EEFSEC: variants seen among roughly 807,000 people sequenced by gnomAD.
EEFSEC encodes selenocysteine-specific elongation factor.
In EEFSEC, 43 loss-of-function variants were observed where a neutral mutation model predicts 42.1. The ratio of observed to expected loss-of-function variants is 1.02; its 90% confidence interval spans 0.80 to 1.32. EEFSEC has a LOEUF of 1.32. EEFSEC is among the 40% of genes most tolerant of loss of function. The pLI, the probability that EEFSEC is intolerant of heterozygous loss-of-function variation, is 0.00. For missense variants in EEFSEC, 745 were observed against 803.6 expected, an observed-to-expected ratio of 0.93 and a Z score of 0.88; for synonymous variants, 354 against 339.1, an observed-to-expected ratio of 1.04 and a Z score of -0.48.
At chr3:128,419,665 G>T in the EEFSEC span, among the ~76,000 whole-genome samples, 3 of 152,210 alleles carry the variant, frequency 2.0e-5, no homozygotes, top group African/African-American at 7.2e-5. Context: ...GCGAGGGAAA[G>T]GTTCTGTGCA....
chr3:128,272,473 C>A (rs945460197), intron 4 of EEFSEC, among the ~76,000 whole-genome samples: 1 of 152,160 alleles, frequency 6.6e-6, no homozygotes, highest in East Asian at 1.9e-4. Context: ...TACTCCCAGG[C>A]TGGAGGTTTG....
chr3:128,341,240 A>C lies in EEFSEC; in HGVS notation c.794A>C (p.Lys265Thr). The C allele has an allele frequency of 1.9e-6, 3 of 1,604,948 alleles. No individual in the cohort carries two copies. The highest frequency in any genetic ancestry group is 2.6e-6 in the Non-Finnish European group (3 of 1,175,152). Residue 265 changes from lysine to threonine, a missense_variant, in exon 5 of 7, where the codon AAG (lysine) becomes ACG (threonine). Lys to Thr is a moderately conservative substitution (Grantham distance 78). Coordinates refer to ENST00000254730, the MANE Select transcript of EEFSEC (RefSeq NM_021937.5). The stretch of plus-strand genomic sequence containing the variant: ...TTGCTTACTCCCCATCAGGTGGTGA[A>C]GAAGGTGAAGTCCATGCAGATGTTC... The part of the protein sequence containing the change: ...SVEIPALKVV[K>T]KVKSMQMFHM...
rs377329173 is a variant in EEFSEC, at chr3:128,280,884, C to T, written c.786+16103C>T. On this transcript the variant is annotated intron_variant, in intron 4 of 6. Transcript: ENST00000254730. The stretch of plus-strand genomic sequence containing the variant: ...CTCACTGTTTTTTTTCCCCTCCACA[C>T]TCCCCTCCTCGGAGATGCAGCCTGA... Among the ~76,000 whole-genome samples the T allele has an allele frequency of 2.0e-5, 3 of 152,252 alleles. No homozygotes were observed. In the East Asian group the frequency reaches 5.8e-4, roughly 29 times the overall value.
intron 4 of EEFSEC, among the ~76,000 whole-genome samples, chr3:128,324,369 T>C (rs952769893): frequency 7.9e-5 from 12 of 151,994 alleles, no homozygotes; most frequent in African/African-American, 2.9e-4. Context: ...TGCCATGGAG[T>C]GGGGGGCTTC....
At chr3:128,357,254 G>T (rs1375946098) in intron 5 of EEFSEC, among the ~76,000 whole-genome samples, 1 of 152,280 alleles carries the variant, frequency 6.6e-6, no homozygotes, top group Non-Finnish European at 1.5e-5. Flanking sequence ...AAGGGAGGGA[G>T]TGACACTTCC....
chr3:128,358,395 C>G, intron 6 of EEFSEC, 22 bp downstream of exon 6: 3 of 1,613,212 alleles, frequency 1.9e-6, no homozygotes, highest in Non-Finnish European at 2.5e-6. Context: ...CACTTCCTCC[C>G]GGTTTAGGGA....
intron 4 of EEFSEC, among the ~76,000 whole-genome samples, chr3:128,291,558 GC>G (rs1321445657): frequency 6.6e-6 from 1 of 152,146 alleles, no homozygotes; most frequent in Non-Finnish European, 1.5e-5. Flanking sequence ...ATAAATTTCT[GC>G]TCATTATAAA....
At chr3:128,315,696 A>G (rs2066937597) in intron 4 of EEFSEC, among the ~76,000 whole-genome samples, 1 of 152,170 alleles carries the variant, frequency 6.6e-6, no homozygotes, top group South Asian at 2.1e-4. Flanking sequence ...ATGGAGTGTA[A>G]AGCTCCATTT....
At position 128,340,738 on chromosome 3, in the gene EEFSEC, A is replaced by G. The variant is rs1336601169; in HGVS notation, c.787-495A>G. On this transcript the variant is annotated intron_variant, in intron 4 of 6. Coordinates refer to ENST00000254730, the MANE Select transcript of EEFSEC (RefSeq NM_021937.5). The stretch of plus-strand genomic sequence containing the variant: ...AAGTTCTGCCACTGGGAGTTGGGAC[A>G]GGCTTTCCAGAGCAGTGGTGTTTGT... Among the ~76,000 whole-genome samples, 8 of 152,322 alleles carry G rather than the reference A, an allele frequency of 5.3e-5. No individual in the cohort carries two copies. In the East Asian group the frequency reaches 1.5e-3, roughly 29 times the overall value.
chr3:128,255,301 G>A (rs894220410), intron 2 of EEFSEC, among the ~76,000 whole-genome samples: 3 of 152,180 alleles, frequency 2.0e-5, no homozygotes, highest in Non-Finnish European at 2.9e-5. Flanking sequence ...GGAAATAAAG[G>A]TATGGGGTTG....
intron 1 of EEFSEC, among the ~76,000 whole-genome samples, chr3:128,236,559 A>G (rs1218255410): frequency 7.0e-6 from 1 of 141,858 alleles, no homozygotes; most frequent in Non-Finnish European, 1.6e-5. Context: ...ACAGAATTTC[A>G]GTGTACAGTG....
At chr3:128,350,536 C>G (rs997163220) in intron 5 of EEFSEC, among the ~76,000 whole-genome samples, 3 of 152,198 alleles carry the variant, frequency 2.0e-5, no homozygotes, top group African/African-American at 7.2e-5. Context: ...AAATGGCTGC[C>G]CTGGTATTCT....
intron 1 of EEFSEC, among the ~76,000 whole-genome samples, chr3:128,244,768 A>C (rs1326357071): frequency 6.7e-6 from 1 of 149,258 alleles, no homozygotes; most frequent in African/African-American, 2.4e-5. Context: ...TGACACCCAC[A>C]CACGTGCACA....
intron 1 of EEFSEC, among the ~76,000 whole-genome samples, chr3:128,179,052 T>A (rs1486382674): frequency 1.3e-5 from 2 of 152,226 alleles, no homozygotes; most frequent in Non-Finnish European, 2.9e-5. Context: ...GCTGGAAAGA[T>A]TGCTGTGAAT....
At position 128,176,283 on chromosome 3, in the gene EEFSEC, A is replaced by AT. The variant is rs572190110; in HGVS notation, c.316+22462dup. On this transcript the variant is annotated intron_variant, in intron 1 of 6. Transcript: ENST00000254730. The stretch of plus-strand genomic sequence containing the variant: ...CTGTTTTTAAATTGGTGATAATCCG[A>AT]TTGGAGAGAAACTAAATTAATATAC... Among the ~76,000 whole-genome samples, 27 of 152,072 alleles carry AT rather than the reference A, an allele frequency of 1.8e-4. No individual in the cohort carries two copies. In the South Asian group the frequency reaches 2.7e-3, roughly 15 times the overall value.
At chr3:128,368,435 CAAAAAAAACAAAAA>C (rs138486437) in intron 6 of EEFSEC, among the ~76,000 whole-genome samples, 53,732 of 129,188 alleles carry the variant, frequency 0.42, 11,033 homozygotes, top group African/African-American at 0.6. Context: ...ACTCCATCTC[CAAAAAAAACAAAAA>C]AAAAAAAACA....
intron 6 of EEFSEC, among the ~76,000 whole-genome samples, chr3:128,382,772 C>T (rs1490739700): frequency 6.6e-6 from 1 of 151,984 alleles, no homozygotes; most frequent in Non-Finnish European, 1.5e-5. Flanking sequence ...TTTTTCCCTC[C>T]GTAGTCTCAG....
intron 6 of EEFSEC, among the ~76,000 whole-genome samples, chr3:128,372,894 G>A (rs1349085453): frequency 2.0e-5 from 3 of 152,238 alleles, no homozygotes; most frequent in African/African-American, 4.8e-5. Flanking sequence ...TGCGCCTAGC[G>A]AGGGTTGGTG....
chr3:128,377,279 T>G (rs1233794555), intron 6 of EEFSEC, among the ~76,000 whole-genome samples: 1 of 152,224 alleles, frequency 6.6e-6, no homozygotes, highest in Non-Finnish European at 1.5e-5. Flanking sequence ...TTTTACTGTT[T>G]TACTCTGTGG....
Sources: allele counts gnomAD v4.1 joint callset (sites outside exome capture counted in the v4.1 genomes callset), GRCh38; gene constraint gnomAD v4.1.1; transcripts MANE v1.5; gene names NCBI Gene and HGNC (gene_info 2026-07-23, HGNC 2026-07-21).